The following PLCB1 variants were observed in gnomAD, a reference collection of about 807,000 sequenced individuals.
PLCB1 encodes the protein 1-phosphatidylinositol 4,5-bisphosphate phosphodiesterase beta-1.
A neutral mutation model predicts 161.8 loss-of-function variants in PLCB1; 46 were observed. That is an observed-to-expected ratio of 0.28 (90% CI 0.22 to 0.36). The LOEUF is 0.36. PLCB1 is among the 10% of genes least tolerant of loss of function. The pLI, the probability that PLCB1 is intolerant of heterozygous loss-of-function variation, is 1.00. For missense variants in PLCB1, 1,016 were observed against 1,472.5 expected, an observed-to-expected ratio of 0.69 and a Z score of 5.07; for synonymous variants, 517 against 503.7, an observed-to-expected ratio of 1.03 and a Z score of -0.35.
intron 2 of PLCB1, among the ~76,000 whole-genome samples, chr20:8,202,342 C>T (rs1237588848): frequency 1.3e-5 from 2 of 152,254 alleles, no homozygotes; most frequent in African/African-American, 2.4e-5. Context: ...TCCCAAAGTG[C>T]TGGATTACAG....
At chr20:8,645,659 G>C (rs1002715006) in intron 4 of PLCB1, among the ~76,000 whole-genome samples, 1 of 152,182 alleles carries the variant, frequency 6.6e-6, no homozygotes, top group Non-Finnish European at 1.5e-5. Context: ...TTCTAGAACT[G>C]TAGTTAACAG....
At chr20:8,460,532 GT>G (rs1981531919) in intron 3 of PLCB1, among the ~76,000 whole-genome samples, 1 of 152,170 alleles carries the variant, frequency 6.6e-6, no homozygotes, top group African/African-American at 2.4e-5. Context: ...CTGTCCAAAA[GT>G]TTTGTTTCAA....
chr20:8,166,580 C>T (rs1431933523), intron 2 of PLCB1, among the ~76,000 whole-genome samples: 1 of 152,100 alleles, frequency 6.6e-6, no homozygotes, highest in Non-Finnish European at 1.5e-5. Context: ...ATACCCTGTT[C>T]CTGAGATACC....
chr20:8,842,126 G>A (rs967213802), intron 31 of PLCB1, among the ~76,000 whole-genome samples: 1 of 152,142 alleles, frequency 6.6e-6, no homozygotes, highest in Non-Finnish European at 1.5e-5. Flanking sequence ...CACTGCACAT[G>A]CCATGCTTTG....
At chr20:8,547,559 CTA>C (rs11467327) in intron 3 of PLCB1, among the ~76,000 whole-genome samples, 44,783 of 151,902 alleles carry the variant, frequency 0.29, 7,429 homozygotes, top group Non-Finnish European at 0.38. Flanking sequence ...CTAACCCGTT[CTA>C]TGTTCTGAAA....
At chr20:8,755,192 A>G (rs1282156528) in intron 23 of PLCB1, among the ~76,000 whole-genome samples, 1 of 152,196 alleles carries the variant, frequency 6.6e-6, no homozygotes, top group Non-Finnish European at 1.5e-5. Context: ...CCATCACTTA[A>G]TGCAGTTTTG....
chr20:8,513,350 C>T (rs1983972146), intron 3 of PLCB1, among the ~76,000 whole-genome samples: 2 of 152,176 alleles, frequency 1.3e-5, no homozygotes, highest in Admixed American at 1.3e-4. Context: ...ATGAAGGGCA[C>T]ACACACACTC....
Position 8,717,735 on chromosome 20 carries a change from A to G in PLCB1, c.1400A>G (p.Lys467Arg). 6.2e-7 allele frequency: 1 copy of G among 1,613,820 alleles called. No individual in the cohort carries two copies. The highest frequency in any genetic ancestry group is 8.5e-7 in the Non-Finnish European group (1 of 1,179,792). The change falls in exon 14 of 32, where the codon AAG becomes AGG. Residue 467 changes from lysine to arginine, a missense_variant. By Grantham distance (26) the Lys-to-Arg change is conservative. Coordinates refer to ENST00000338037, the MANE Select transcript of PLCB1 (RefSeq NM_015192.4). The part of the protein sequence containing the change: ...DLMYKILVKN[K>R]KKSHKSSEGS... ...ATGTATAAAATTTTGGTGAAAAATA[A>G]GAAGAAATCACACAAGTCATCAGAA...
In PLCB1 at chr20:8,695,190, T is replaced by C. The variant is rs932643847; in HGVS notation, c.1010-2436T>C. Reference sequence around the variant, plus strand: ...ATTATGCAGACCCACTTAATCAGCCTTTCAGTGCATTTACCAGGGCTCTAT... The same window carrying C: ...ATTATGCAGACCCACTTAATCAGCCCTTCAGTGCATTTACCAGGGCTCTAT... On this transcript the variant is annotated intron_variant, in intron 10 of 31. Coordinates refer to ENST00000338037, the MANE Select transcript of PLCB1 (RefSeq NM_015192.4). 7.9e-5 allele frequency among the ~76,000 whole-genome samples: 12 copies of C among 152,198 alleles called. No homozygotes were observed. The East Asian group carries it at 2.3e-3, about 29-fold the overall frequency.
intron 3 of PLCB1, among the ~76,000 whole-genome samples, chr20:8,532,347 T>G (rs2064271): frequency 0.38 from 57,558 of 152,030 alleles, 11,142 homozygotes; most frequent in Middle Eastern, 0.52. Context: ...GTACACATTT[T>G]GGTTGCTAGG....
At chr20:8,840,974 A>G (rs6140750) in intron 31 of PLCB1, among the ~76,000 whole-genome samples, 48,615 of 151,718 alleles carry the variant, frequency 0.32, 8,780 homozygotes, top group East Asian at 0.63. Context: ...CTGCCACCAC[A>G]CCCAACCAAA....
intron 2 of PLCB1, among the ~76,000 whole-genome samples, chr20:8,279,171 T>C (rs6055709): frequency 0.33 from 49,752 of 151,966 alleles, 8,474 homozygotes; most frequent in East Asian, 0.42. Flanking sequence ...GCAAAAGAAT[T>C]GAAAGCAGGG....
chr20:8,432,580 G>A (rs6140614), intron 3 of PLCB1, among the ~76,000 whole-genome samples: 1 of 152,192 alleles, frequency 6.6e-6, no homozygotes, highest in Non-Finnish European at 1.5e-5. Context: ...CTAAAACTCA[G>A]GACTTGAAAC....
intron 31 of PLCB1, among the ~76,000 whole-genome samples, chr20:8,852,120 C>T (rs6086647): frequency 0.32 from 49,369 of 152,080 alleles, 8,896 homozygotes; most frequent in East Asian, 0.63. Flanking sequence ...TTCATTCCTG[C>T]TGCCAGGTTT....
intron 31 of PLCB1, among the ~76,000 whole-genome samples, chr20:8,874,255 CGCACAA>C (rs973189535): frequency 1.4e-5 from 1 of 69,114 alleles, no homozygotes; most frequent in African/African-American, 5.8e-5. Flanking sequence ...CACACACACA[CGCACAA>C]CAGATGCTCC....
chr20:8,455,430 CTCTTT>C (rs1981264765), intron 3 of PLCB1, among the ~76,000 whole-genome samples: 1 of 132,952 alleles, frequency 7.5e-6, no homozygotes, highest in Non-Finnish European at 1.6e-5. Flanking sequence ...AGTATTCTTC[CTCTTT>C]TTTTTTTTTT....
chr20:8,884,270 T>C lies in PLCB1; in HGVS notation c.*2421T>C, dbSNP rs1988096735. The C allele has an allele frequency of 6.6e-6, 1 of 152,578 alleles. No homozygotes were observed. The highest frequency in any genetic ancestry group is 6.6e-5 in the Admixed American group (1 of 15,244). 9.5% of individuals were successfully genotyped at this position (152,578 alleles called of 1,614,324 possible). On this transcript the variant is annotated 3_prime_UTR_variant, in exon 32 of 32. Coordinates refer to ENST00000338037, the MANE Select transcript of PLCB1 (RefSeq NM_015192.4). Reference sequence around the variant, plus strand: ...TTAATAATATTAATATTACTTGAAATAGACTAAGATAAAGAAAAGGGGTCT... The same window carrying C: ...TTAATAATATTAATATTACTTGAAACAGACTAAGATAAAGAAAAGGGGTCT...
At chr20:8,312,136 C>T (rs1342133792) in intron 2 of PLCB1, among the ~76,000 whole-genome samples, 1 of 152,172 alleles carries the variant, frequency 6.6e-6, no homozygotes, top group Non-Finnish European at 1.5e-5. Flanking sequence ...GGAAGACTCA[C>T]AGCTGCCTTC....
At chr20:8,799,890 G>A (rs1876163402) in intron 31 of PLCB1, among the ~76,000 whole-genome samples, 1 of 152,108 alleles carries the variant, frequency 6.6e-6, no homozygotes, top group Non-Finnish European at 1.5e-5. Flanking sequence ...CGTAAATAGT[G>A]TTATACTGTA....
Sources: allele counts gnomAD v4.1 joint callset (sites outside exome capture counted in the v4.1 genomes callset), GRCh38; gene constraint gnomAD v4.1.1; transcripts MANE v1.5; gene names NCBI Gene and HGNC (gene_info 2026-07-23, HGNC 2026-07-21).